PTPN12: variants seen among roughly 807,000 people sequenced by gnomAD.
PTPN12 encodes protein tyrosine phosphatase non-receptor type 12.
PTPN12 carries 29 observed loss-of-function variants against 97.6 expected under a neutral mutation model. The ratio of observed to expected loss-of-function variants is 0.30; its 90% CI spans 0.22 to 0.41. The LOEUF is 0.41. PTPN12 is among the 10% of genes least tolerant of loss of function. The probability of loss-of-function intolerance (pLI) is 1.00; values close to 1 mark genes in which losing one functional copy is unlikely to be tolerated. For missense variants in PTPN12, 819 were observed against 926.0 expected, an observed-to-expected ratio of 0.88 and a Z score of 1.50; for synonymous variants, 327 against 300.4, an observed-to-expected ratio of 1.09 and a Z score of -0.91.
chr7:77,569,100 T>TAGTA lies in PTPN12; in HGVS notation c.100-1976_100-1973dup, dbSNP rs1343008701. Among the ~76,000 whole-genome samples, 10 of 152,294 alleles carry TAGTA rather than the reference T, an allele frequency of 6.6e-5. No homozygotes were observed. The South Asian group carries it at 1.2e-3, about 19-fold the overall frequency. ...ATCCAAAAGATATGAAAAGACATAA[T>TAGTA]AGTAATGTCTCATTCTCATCCGTTT... is the stretch of plus-strand genomic sequence containing the variant. On this transcript the variant is annotated intron_variant, in intron 1 of 17. Transcript: ENST00000248594.
intron 1 of PTPN12, among the ~76,000 whole-genome samples, chr7:77,551,942 G>T (rs1807496907): frequency 6.6e-6 from 1 of 152,144 alleles, no homozygotes; most frequent in South Asian, 2.1e-4. Flanking sequence ...AAGACCCCTT[G>T]TATGAATGCC....
chr7:77,621,984 A>G (rs371259703), intron 12 of PTPN12, among the ~76,000 whole-genome samples: 2 of 152,158 alleles, frequency 1.3e-5, no homozygotes, highest in African/African-American at 4.8e-5. Flanking sequence ...TTGTTTTCAG[A>G]CAGAGCCTTG....
intron 5 of PTPN12, among the ~76,000 whole-genome samples, chr7:77,588,410 G>C (rs1007138488): frequency 2.0e-5 from 3 of 152,164 alleles, no homozygotes; most frequent in Non-Finnish European, 4.4e-5. Context: ...CACAACATCT[G>C]TTGATTAAGT....
chr7:77,571,078 C>T lies in PTPN12; in HGVS notation c.100C>T (p.Arg34Trp), dbSNP rs200867808. ...TAATTTTTATTTGTTGTATTTTAAG[C>T]GGTTAAGAAGATTGTCTACCAAATA... ...GEDNFARDFMRLRRLSTKYRT... is the reference protein window; with the variant it reads ...GEDNFARDFMWLRRLSTKYRT... The change falls in exon 2 of 18, where the codon CGG becomes TGG. Residue 34 changes from arginine to tryptophan, a missense_variant and splice_region_variant. Transcript: ENST00000248594. The T allele has an allele frequency of 5.9e-6, 9 of 1,531,076 alleles. No individual in the cohort carries two copies. The highest frequency in any genetic ancestry group is 2.2e-5 in the Admixed American group (1 of 44,938). 94.8% of individuals were successfully genotyped at this position (1,531,076 alleles called of 1,614,324 possible). A position where few individuals can be genotyped will look rare whatever the true frequency, so the allele number is the denominator to read the frequency against.
At chr7:77,605,401 T>G (rs967899270) in intron 8 of PTPN12, among the ~76,000 whole-genome samples, 6 of 143,840 alleles carry the variant, frequency 4.2e-5, no homozygotes, top group Non-Finnish European at 6.1e-5. Flanking sequence ...AAAATACTTT[T>G]GTCATGAGTT....
intron 12 of PTPN12, 128 bp downstream of exon 12, chr7:77,618,693 A>C (rs766656264): frequency 3.0e-6 from 2 of 660,662 alleles, no homozygotes; most frequent in Non-Finnish European, 4.9e-6. Flanking sequence ...TTAGGATGTA[A>C]CATACGTATG....
chr7:77,627,019 C>T lies in PTPN12; in HGVS notation c.1340C>T (p.Pro447Leu). 3 of 1,607,604 alleles carry T rather than the reference C, an allele frequency of 1.9e-6. No homozygotes were observed. The highest frequency in any genetic ancestry group is 2.5e-6 in the Non-Finnish European group (3 of 1,177,988). Residue 447 changes from proline (P) to leucine (L), a missense_variant, in exon 13 of 18, where the codon CCA becomes CTA. Transcript: ENST00000248594. Reference sequence around the variant, plus strand: ...AAGAAGGTCCCTCTCCAAGAGGGACCAAAAAGTTTTGATGGGAACACACTT... The same window carrying T: ...AAGAAGGTCCCTCTCCAAGAGGGACTAAAAAGTTTTGATGGGAACACACTT... Reference protein sequence around the residue: ...EIKKVPLQEGPKSFDGNTLLN... With the variant: ...EIKKVPLQEGLKSFDGNTLLN...
intron 1 of PTPN12, among the ~76,000 whole-genome samples, chr7:77,557,214 G>A (rs553708128): frequency 9.2e-5 from 14 of 152,084 alleles, no homozygotes; most frequent in Non-Finnish European, 1.5e-4. Context: ...AGGTCCTCCC[G>A]CTTCCACCTC....
At chr7:77,638,569 T>C in intron 16 of PTPN12, 55 bp from the exon 17 acceptor site, 2 of 1,490,812 alleles carry the variant, frequency 1.3e-6, no homozygotes, top group Non-Finnish European at 1.8e-6. Context: ...AAGAGTTATA[T>C]ATATATGATG....
chr7:77,568,708 T>C (rs1161810445), intron 1 of PTPN12, among the ~76,000 whole-genome samples: 1 of 152,160 alleles, frequency 6.6e-6, no homozygotes, highest in Admixed American at 6.5e-5. Context: ...ATTCCTGAGG[T>C]ACATTCACAT....
intron 1 of PTPN12, among the ~76,000 whole-genome samples, chr7:77,545,138 T>C (rs1489624162): frequency 6.6e-6 from 1 of 152,250 alleles, no homozygotes; most frequent in Non-Finnish European, 1.5e-5. Context: ...AAAATGTCTT[T>C]TAAACTTTTG....
intron 1 of PTPN12, among the ~76,000 whole-genome samples, chr7:77,556,234 A>T (rs1184373883): frequency 1.3e-5 from 2 of 151,758 alleles, no homozygotes; most frequent in African/African-American, 4.8e-5. Flanking sequence ...CTAAGTTTTC[A>T]TATTTTTTTG....
At chr7:77,583,167 A>G (rs1279123723) in intron 3 of PTPN12, among the ~76,000 whole-genome samples, 1 of 152,202 alleles carries the variant, frequency 6.6e-6, no homozygotes, top group Non-Finnish European at 1.5e-5. Context: ...TATGGAAGAA[A>G]CTAAGAAAGA....
chr7:77,601,061 AC>A, intron 8 of PTPN12: 1 of 346,232 alleles, frequency 2.9e-6, no homozygotes, highest in Non-Finnish European at 5.3e-6. Flanking sequence ...TACTCTTTTT[AC>A]TGTTCACTGA....
intron 13 of PTPN12, among the ~76,000 whole-genome samples, chr7:77,630,203 T>C (rs1789350148): frequency 6.6e-6 from 1 of 152,234 alleles, no homozygotes; most frequent in African/African-American, 2.4e-5. Context: ...GATTATTTAC[T>C]TTATAGATTG....
Position 77,578,355 on chromosome 7 carries a change from C to A in PTPN12, c.209-3072C>A, listed in dbSNP as rs1361537585. Among the ~76,000 whole-genome samples the A allele has an allele frequency of 2.0e-5, 3 of 151,952 alleles. No homozygotes were observed. The East Asian group carries it at 5.8e-4, about 29-fold the overall frequency. On this transcript the variant is annotated intron_variant, in intron 2 of 17. Coordinates refer to ENST00000248594, the MANE Select transcript of PTPN12 (RefSeq NM_002835.4). ...TTTTTTTGTATGTGTATTTCCTATC[C>A]CAAATGGCATATAAAAAGGGGGATG...
At chr7:77,543,181 G>T (rs1299530554) in intron 1 of PTPN12, among the ~76,000 whole-genome samples, 1 of 152,108 alleles carries the variant, frequency 6.6e-6, no homozygotes, top group Non-Finnish European at 1.5e-5. Flanking sequence ...ACATAGGAGT[G>T]CTTTGGTGAC....
At position 77,639,518 on chromosome 7, in the gene PTPN12, CTGCTTGTAGACA is replaced by C; in HGVS notation, c.*241_*252del. 2.2e-6 allele frequency: 1 copy of C among 453,674 alleles called. No individual in the cohort carries two copies. The highest frequency in any genetic ancestry group is 4.8e-5 in the South Asian group (1 of 20,992). 28.1% of individuals were successfully genotyped at this position (453,674 alleles called of 1,614,324 possible). A position where few individuals can be genotyped will look rare whatever the true frequency, so the allele number is the denominator to read the frequency against. ...TAATGTCTCTTAACCCTGTTACACG[CTGCTTGTAGACA>C]TGTTAATATAGTAATACCTTTATGA... On this transcript the variant is annotated 3_prime_UTR_variant, in exon 18 of 18. Transcript: ENST00000248594.
chr7:77,631,693 C>T (rs1042579380), intron 13 of PTPN12, among the ~76,000 whole-genome samples: 1 of 152,166 alleles, frequency 6.6e-6, no homozygotes, highest in Non-Finnish European at 1.5e-5. Context: ...TATATAGCTT[C>T]AGTCAGCATT....
Sources: gnomAD v4.1 joint callset for allele counts (sites outside exome capture counted in the v4.1 genomes callset) on GRCh38, gnomAD v4.1.1 for gene constraint, MANE v1.5 for transcripts, NCBI Gene and HGNC (gene_info 2026-07-23, HGNC 2026-07-21) for gene names.